Variants in AHI1 observed in about 807,000 individuals in gnomAD.
AHI1 encodes Abelson helper integration site 1.
Under a neutral mutation model 149.3 loss-of-function variants are expected in AHI1, and 123 were observed. The observed-to-expected ratio is 0.82, with a 90% CI of 0.71 to 0.96. The LOEUF (loss-of-function observed/expected upper bound fraction) is 0.96, where lower values mean the gene tolerates loss of function less well. AHI1 is among the 40% of genes least tolerant of loss of function. The pLI is 0.00. For missense variants in AHI1, 1,439 were observed against 1,422.7 expected, an observed-to-expected ratio of 1.01 and a Z score of -0.18; for synonymous variants, 475 against 459.8, an observed-to-expected ratio of 1.03 and a Z score of -0.42.
chr6:135,315,503 T>C (rs1035121018), intron 26 of AHI1, among the ~76,000 whole-genome samples: 1 of 152,240 alleles, frequency 6.6e-6, no homozygotes, highest in Non-Finnish European at 1.5e-5. Context: ...CTGGTAATTC[T>C]TACCAATTCT....
intron 8 of AHI1, among the ~76,000 whole-genome samples, chr6:135,459,216 A>G (rs1315238498): frequency 2.0e-5 from 3 of 152,222 alleles, no homozygotes; most frequent in Admixed American, 1.3e-4. Flanking sequence ...GACAGAAACC[A>G]ATAAAAGATA....
chr6:135,438,398 A>C lies in AHI1; in HGVS notation c.2013T>G (p.Thr671=). 6.3e-7 allele frequency: 1 copy of C among 1,578,202 alleles called. No individual in the cohort carries two copies. The highest frequency in any genetic ancestry group is 8.6e-7 in the Non-Finnish European group (1 of 1,159,892). ...ACCTGGCAGTGCCATCAGATGATGA[A>C]GTAAGGATGTAGTGATCATCTTTTG... ...SWSKDDHYIL[T]SSSDGTARIW... is the part of the protein sequence containing the mutation. The change falls in exon 15 of 29, where the codon ACT becomes ACG. Residue 671 remains threonine, a synonymous_variant. Coordinates refer to ENST00000265602, the MANE Select transcript of AHI1 (RefSeq NM_001134831.2).
intron 22 of AHI1, among the ~76,000 whole-genome samples, chr6:135,399,868 A>T (rs1779770763): frequency 6.6e-6 from 1 of 151,788 alleles, no homozygotes; most frequent in South Asian, 2.1e-4. Flanking sequence ...CAGTTAAGCC[A>T]GTCTTCCAAA....
chr6:135,293,927 T>C (rs1782727919), intron 27 of AHI1, among the ~76,000 whole-genome samples: 1 of 152,116 alleles, frequency 6.6e-6, no homozygotes, highest in Non-Finnish European at 1.5e-5. Flanking sequence ...AAACCAAATT[T>C]GAAAAGGACA....
rs1255166691 is a variant in AHI1, at chr6:135,431,259, A to G, written c.2322T>C (p.Tyr774=). The stretch of plus-strand genomic sequence containing the variant: ...AATGTTCCAAATCATTAATCTTGAC[A>G]TAGGTATTCCAAACAACAATCACCC... The part of the protein sequence containing the change: ...CTGVIVVWNT[Y]VKINDLEHSV... Residue 774 remains tyrosine, a synonymous_variant, in exon 17 of 29, where the codon TAT becomes TAC. Transcript: ENST00000265602. 2 of 1,609,396 alleles carry G rather than the reference A, an allele frequency of 1.2e-6. No individual in the cohort carries two copies. Among genetic ancestry groups the G allele is most frequent in the African/African-American group, 1.3e-5 (1 of 74,948 alleles).
chr6:135,475,651 G>T (rs1416670283), intron 5 of AHI1, among the ~76,000 whole-genome samples: 2 of 152,150 alleles, frequency 1.3e-5, no homozygotes, highest in African/African-American at 4.8e-5. Flanking sequence ...TTCCCTGGGT[G>T]GCAACACTTT....
intron 24 of AHI1, among the ~76,000 whole-genome samples, chr6:135,345,858 G>A (rs1343454970): frequency 6.6e-6 from 1 of 152,144 alleles, no homozygotes; most frequent in Non-Finnish European, 1.5e-5. Flanking sequence ...TCATGGAAAT[G>A]ATTGTTAAAG....
intron 26 of AHI1, among the ~76,000 whole-genome samples, chr6:135,307,810 G>A (rs1414605039): frequency 2.0e-5 from 3 of 151,944 alleles, no homozygotes; most frequent in African/African-American, 7.2e-5. Flanking sequence ...AGTGAGGGGT[G>A]ATTTTGACCC....
intron 26 of AHI1, 124 bp from the exon 27 acceptor site, chr6:135,300,682 GA>G (rs1227760468): frequency 9.3e-6 from 14 of 1,502,354 alleles, no homozygotes; most frequent in African/African-American, 4.2e-5. Context: ...TTCTGAACAG[GA>G]ATATCTATGC....
At position 135,457,723 on chromosome 6, in the gene AHI1, T is replaced by C. The variant is rs114319588; in HGVS notation, c.932-10A>G. On this transcript the variant is annotated splice_polypyrimidine_tract_variant and intron_variant, in intron 8 of 28. Coordinates refer to ENST00000265602, the MANE Select transcript of AHI1 (RefSeq NM_001134831.2). ...TCATTATTATCTGCAACTACACGCA[T>C]GGAAAAAAAAATCAATGTTATAATT... 8.4e-4 allele frequency: 1,350 copies of C among 1,607,452 alleles called. 10 individuals are homozygous for C. In the African/African-American group the frequency reaches 0.016, roughly 19 times the overall value.
chr6:135,397,739 C>T (rs1412367217), intron 22 of AHI1, among the ~76,000 whole-genome samples: 11 of 151,954 alleles, frequency 7.2e-5, no homozygotes, highest in Admixed American at 5.2e-4. Context: ...AAATTTAAAA[C>T]CTTTGGGAGA....
chr6:135,403,833 C>A (rs1390166917), intron 22 of AHI1, among the ~76,000 whole-genome samples: 1 of 151,904 alleles, frequency 6.6e-6, no homozygotes, highest in African/African-American at 2.4e-5. Flanking sequence ...TATTCCATAT[C>A]CTGTTGACTT....
In AHI1 at chr6:135,370,819, C is replaced by T. The variant is rs142796090; in HGVS notation, c.3110-12632G>A. ...TTGCTTTTTAAAATTTTCTTGTTTT[C>T]GGTCTATTTCAGTGGATACTCCTTT... On this transcript the variant is annotated intron_variant, in intron 23 of 28. Transcript: ENST00000265602. 5.2e-3 allele frequency among the ~76,000 whole-genome samples: 798 copies of T among 152,142 alleles called. 4 individuals carry two copies. Among genetic ancestry groups the T allele is most frequent in the African/African-American group, 0.018 (728 of 41,530 alleles).
At chr6:135,302,928 A>G in intron 26 of AHI1, 1 of 694,240 alleles carries the variant, frequency 1.4e-6, no homozygotes, top group East Asian at 7.0e-5. Context: ...CACTTGTTAG[A>G]AAGTTGTTTT....
At chr6:135,297,207 C>T (rs1163802165) in intron 27 of AHI1, among the ~76,000 whole-genome samples, 1 of 152,084 alleles carries the variant, frequency 6.6e-6, no homozygotes, top group Non-Finnish European at 1.5e-5. Flanking sequence ...GCCCCACCTT[C>T]CAATCATCAG....
chr6:135,297,076 C>T (rs984006623), intron 27 of AHI1, among the ~76,000 whole-genome samples: 9 of 152,200 alleles, frequency 5.9e-5, no homozygotes, highest in African/African-American at 2.2e-4. Context: ...TAATCCTGAC[C>T]CTTCCTCTTT....
At chr6:135,392,370 A>G (rs1195776140) in intron 23 of AHI1, among the ~76,000 whole-genome samples, 1 of 152,210 alleles carries the variant, frequency 6.6e-6, no homozygotes, top group Non-Finnish European at 1.5e-5. Flanking sequence ...AAAAAGATCA[A>G]TAAAAGTTAC....
intron 14 of AHI1, among the ~76,000 whole-genome samples, chr6:135,440,986 C>T (rs563631900): frequency 6.6e-6 from 1 of 151,774 alleles, no homozygotes; most frequent in African/African-American, 2.4e-5. Flanking sequence ...CACATAGAAA[C>T]TGAGGAAGCC....
At chr6:135,453,777 A>T (rs1318754246) in intron 10 of AHI1, among the ~76,000 whole-genome samples, 1 of 152,184 alleles carries the variant, frequency 6.6e-6, no homozygotes, top group Non-Finnish European at 1.5e-5. Context: ...ACTTTAAAGG[A>T]TTGTTTGTTT....
Sources: gnomAD v4.1 joint callset for allele counts (sites outside exome capture counted in the v4.1 genomes callset) on GRCh38, gnomAD v4.1.1 for gene constraint, MANE v1.5 for transcripts, NCBI Gene and HGNC (gene_info 2026-07-23, HGNC 2026-07-21) for gene names.